Variants in ACP6 observed in about 807,000 individuals in gnomAD.
ACP6 encodes acid phosphatase 6, lysophosphatidic, also known as lysophosphatidic acid phosphatase type 6.
Under a neutral mutation model 48.1 loss-of-function variants are expected in ACP6, and 48 were observed. That is an observed-to-expected ratio of 1.00 (90% CI 0.79 to 1.27). ACP6 has a LOEUF of 1.27. ACP6 is among the 50% of genes most tolerant of loss of function. The probability of loss-of-function intolerance (pLI) is 0.00; values close to 1 mark genes in which losing one functional copy is unlikely to be tolerated. For missense variants in ACP6, 485 were observed against 529.1 expected (o/e 0.92, Z 0.82); for synonymous variants, 172 against 204.2 (o/e 0.84, Z 1.34).
At chr1:147,629,878 G>A (rs1553207138) in exon 6 of ACP6, 1 of 152,166 alleles carries the variant, frequency 6.6e-6, no homozygotes, top group Admixed American at 6.5e-5. Context: ...GCCTATAGGT[G>A]ACCCCACTTC....
intron 5 of ACP6, 130 bp downstream of exon 5, chr1:147,655,031 T>C (rs1032487663): frequency 7.1e-6 from 5 of 701,274 alleles, no homozygotes; most frequent in Non-Finnish European, 9.6e-6. Flanking sequence ...TTAAGTGTAA[T>C]TTAAACCTTC....
intron 5 of ACP6, among the ~76,000 whole-genome samples, chr1:147,632,163 T>C (rs1389308024): frequency 4.0e-5 from 6 of 150,698 alleles, no homozygotes; most frequent in Middle Eastern, 3.4e-3. Flanking sequence ...AGGTCTTCTC[T>C]GAGTACCCTG....
At chr1:147,667,507 C>T (rs1378307671) in intron 1 of ACP6, among the ~76,000 whole-genome samples, 2 of 152,140 alleles carry the variant, frequency 1.3e-5, no homozygotes, top group African/African-American at 4.8e-5. Flanking sequence ...TGAGCCACCA[C>T]ACCCAGCCAA....
chr1:147,632,382 T>C (rs1360585620), intron 5 of ACP6, among the ~76,000 whole-genome samples: 1 of 152,034 alleles, frequency 6.6e-6, no homozygotes, highest in African/African-American at 2.4e-5. Flanking sequence ...AGTAAATAGC[T>C]GTTAAATAAA....
downstream of ACP6, among the ~76,000 whole-genome samples, chr1:147,639,253 C>A (rs587677837): frequency 6.6e-6 from 1 of 152,258 alleles, no homozygotes; most frequent in South Asian, 2.1e-4. Flanking sequence ...GGGATATTTC[C>A]CCATTGTTCC....
chr1:147,648,478 C>A, intron 8 of ACP6, 67 bp from the exon 9 acceptor site: 1 of 1,568,182 alleles, frequency 6.4e-7, no homozygotes, highest in Non-Finnish European at 8.7e-7. Flanking sequence ...TGTGGCCTGC[C>A]TCCTTTACGT....
downstream of ACP6, among the ~76,000 whole-genome samples, chr1:147,638,445 C>T (rs1020703190): frequency 4.6e-5 from 7 of 152,194 alleles, no homozygotes; most frequent in East Asian, 1.4e-3. Context: ...TACTGTGTCT[C>T]TGTAGAAATA....
chr1:147,659,157 C>T, intron 3 of ACP6, 118 bp from the exon 4 acceptor site: 1 of 1,120,976 alleles, frequency 8.9e-7, no homozygotes, highest in South Asian at 1.6e-5. Context: ...AGCTATGGAA[C>T]TAGGAAGAAT....
At chr1:147,636,054 G>T (rs947645424) in intron 5 of ACP6, among the ~76,000 whole-genome samples, 2 of 152,148 alleles carry the variant, frequency 1.3e-5, no homozygotes, top group African/African-American at 4.8e-5. Flanking sequence ...ATCAAAAAAG[G>T]TGAGGAAACT....
intron 6 of ACP6, among the ~76,000 whole-genome samples, chr1:147,653,545 A>G (rs1230676752): frequency 6.6e-6 from 1 of 152,230 alleles, no homozygotes; most frequent in Non-Finnish European, 1.5e-5. Context: ...ATACAAATAC[A>G]TGATATGAAC....
At chr1:147,633,176 A>C (rs1659214036) in intron 5 of ACP6, among the ~76,000 whole-genome samples, 1 of 152,184 alleles carries the variant, frequency 6.6e-6, no homozygotes, top group Admixed American at 6.5e-5. Flanking sequence ...TTGCCCATTC[A>C]TCCCAATTCT....
At chr1:147,654,398 G>T in intron 5 of ACP6, 72 bp from the exon 6 acceptor site, 1 of 1,539,410 alleles carries the variant, frequency 6.5e-7, no homozygotes, top group Non-Finnish European at 8.8e-7. Context: ...CTTCACACTT[G>T]GGTTATCATT....
At chr1:147,654,442 G>T in intron 5 of ACP6, 116 bp from the exon 6 acceptor site, 1 of 1,198,536 alleles carries the variant, frequency 8.3e-7, no homozygotes, top group Non-Finnish European at 1.2e-6. Context: ...ACCCAATGGG[G>T]TTAGCTGGTA....
At chr1:147,647,653 G>C (rs1461488991) in intron 9 of ACP6, 87 bp from the exon 10 acceptor site, 3 of 1,506,110 alleles carry the variant, frequency 2.0e-6, no homozygotes, top group Non-Finnish European at 2.7e-6. Flanking sequence ...GAGAGGCTCT[G>C]ATCCATGTGG....
chr1:147,658,998 C>T lies in ACP6; in HGVS notation c.521G>A (p.Arg174His), dbSNP rs151092333. 70 of 1,611,602 alleles carry T rather than the reference C, an allele frequency of 4.3e-5. No individual in the cohort carries two copies. Among genetic ancestry groups the T allele is most frequent in the Admixed American group, 8.4e-5 (5 of 59,720 alleles). Residue 174 changes from arginine (R) to histidine (H), a missense_variant, in exon 4 of 10, where the codon CGT becomes CAT. Coordinates refer to ENST00000583509, the MANE Select transcript of ACP6 (RefSeq NM_016361.5). The part of the protein sequence containing the change: ...TNIFRNLEST[R>H]CLLAGLFQCQ... ...CTGGAAAAGCCCAGCCAGCAAACAA[C>T]GGGTGGACTCCAGATTCCGAAAAAT... is the stretch of plus-strand genomic sequence containing the variant.
chr1:147,664,348 C>G (rs1553213229), intron 1 of ACP6, among the ~76,000 whole-genome samples: 1 of 152,156 alleles, frequency 6.6e-6, no homozygotes, highest in African/African-American at 2.4e-5. Flanking sequence ...AGCCACGCAA[C>G]TTCCTTTCCT....
chr1:147,652,614 A>G, intron 6 of ACP6, 65 bp from the exon 7 acceptor site: 1 of 1,611,382 alleles, frequency 6.2e-7, no homozygotes, highest in South Asian at 1.1e-5. Context: ...GCAGCTGATC[A>G]GCTTCCATGG....
At position 147,646,434 on chromosome 1, in the gene ACP6, G is replaced by T. The variant is rs1659623877; in HGVS notation, c.*989C>A. On this transcript the variant is annotated 3_prime_UTR_variant, in exon 10 of 10. Coordinates refer to ENST00000583509, the MANE Select transcript of ACP6 (RefSeq NM_016361.5). ...TGAGATATCTCAGCTCCCTGATCTGGAAGTTGTCAATATTAAGATAGTAGG... is the reference window on the plus strand; with the variant it reads ...TGAGATATCTCAGCTCCCTGATCTGTAAGTTGTCAATATTAAGATAGTAGG... 1 of 152,188 alleles carries T rather than the reference G, an allele frequency of 6.6e-6. No individual in the cohort carries two copies. The highest frequency in any genetic ancestry group is 2.1e-4 in the South Asian group (1 of 4,832). 9.4% of individuals were successfully genotyped at this position (152,188 alleles called of 1,614,324 possible). A position where few individuals can be genotyped will look rare whatever the true frequency, so the allele number is the denominator to read the frequency against.
At chr1:147,635,805 A>C (rs1553207910) in intron 5 of ACP6, among the ~76,000 whole-genome samples, 3 of 152,258 alleles carry the variant, frequency 2.0e-5, no homozygotes, top group African/African-American at 7.2e-5. Flanking sequence ...AGGGATTGGC[A>C]CAGTCCGCAG....
Sources: gnomAD v4.1 joint callset for allele counts (sites outside exome capture counted in the v4.1 genomes callset) on GRCh38, gnomAD v4.1.1 for gene constraint, MANE v1.5 for transcripts, NCBI Gene and HGNC (gene_info 2026-07-23, HGNC 2026-07-21) for gene names.